TCF4: variants seen among roughly 807,000 people sequenced by gnomAD.
The protein encoded by TCF4 is transcription factor 4.
Under a neutral mutation model 82.1 loss-of-function variants are expected in TCF4, and 3 were observed. That is an observed-to-expected ratio of 0.04 (90% CI 0.02 to 0.09). The LOEUF is 0.09. Ranked by LOEUF, TCF4 falls within the 10% of genes least tolerant of loss-of-function variation. The pLI, the probability that TCF4 is intolerant of heterozygous loss-of-function variation, is 1.00. For missense variants in TCF4, 518 were observed against 852.7 expected, an observed-to-expected ratio of 0.61 and a Z score of 4.89; for synonymous variants, 276 against 309.6, an observed-to-expected ratio of 0.89 and a Z score of 1.14.
intron 3 of TCF4, among the ~76,000 whole-genome samples, chr18:55,496,670 A>C (rs2096639349): frequency 6.6e-6 from 1 of 152,142 alleles, no homozygotes; most frequent in Non-Finnish European, 1.5e-5. Context: ...ATGATGCCAT[A>C]AATCTTTGTT....
At chr18:55,423,252 T>C (rs529839034) in intron 5 of TCF4, among the ~76,000 whole-genome samples, 1 of 152,260 alleles carries the variant, frequency 6.6e-6, no homozygotes, top group African/African-American at 2.4e-5. Context: ...TAATTAAGTA[T>C]TGGCTCCGTT....
chr18:55,632,285 G>A (rs1352063966), intron 1 of TCF4, among the ~76,000 whole-genome samples: 4 of 152,014 alleles, frequency 2.6e-5, no homozygotes, highest in African/African-American at 4.8e-5. Context: ...TGATTCACTC[G>A]CCTCGGCCTC....
chr18:55,599,101 C>T (rs968297199), intron 2 of TCF4, among the ~76,000 whole-genome samples: 26 of 152,186 alleles, frequency 1.7e-4, no homozygotes, highest in Non-Finnish European at 2.9e-5. Flanking sequence ...TCTATCAAAG[C>T]CTACCCTTGG....
intron 3 of TCF4, among the ~76,000 whole-genome samples, chr18:55,508,677 TTTCC>T (rs2096791313): frequency 6.6e-6 from 1 of 152,196 alleles, no homozygotes; most frequent in Admixed American, 6.5e-5. Context: ...GAATCCATGC[TTTCC>T]AGCCCACCCT....
chr18:55,540,104 T>C (rs1409630506), intron 3 of TCF4, among the ~76,000 whole-genome samples: 1 of 151,214 alleles, frequency 6.6e-6, no homozygotes, highest in Non-Finnish European at 1.5e-5. Flanking sequence ...AGAATGAGAA[T>C]TGTCCAAAAC....
intron 5 of TCF4, among the ~76,000 whole-genome samples, chr18:55,455,108 G>T (rs2095710572): frequency 1.4e-5 from 2 of 144,842 alleles, no homozygotes. Context: ...GCTCACCTGA[G>T]CCCAGGAAGT....
At chr18:55,306,221 T>C (rs1418256810) in intron 8 of TCF4, among the ~76,000 whole-genome samples, 1 of 152,218 alleles carries the variant, frequency 6.6e-6, no homozygotes, top group Non-Finnish European at 1.5e-5. Flanking sequence ...TTAGTGTTAC[T>C]TTTAAAAATG....
chr18:55,238,286 T>C (rs536666226), intron 15 of TCF4, among the ~76,000 whole-genome samples: 1 of 152,380 alleles, frequency 6.6e-6, no homozygotes, highest in African/African-American at 2.4e-5. Flanking sequence ...AATCTTCCCA[T>C]AGTCACGTAT....
intron 3 of TCF4, chr18:55,482,111 T>A (rs1202110290): frequency 6.6e-6 from 1 of 152,240 alleles, no homozygotes; most frequent in Non-Finnish European, 1.5e-5. Flanking sequence ...GTGGATCTAC[T>A]ATATTAGCAA....
At chr18:55,320,172 T>C (rs753183604) in intron 8 of TCF4, among the ~76,000 whole-genome samples, 3 of 151,872 alleles carry the variant, frequency 2.0e-5, no homozygotes, top group Non-Finnish European at 4.4e-5. Context: ...AACTACCAAT[T>C]GCAAATCATG....
intron 2 of TCF4, among the ~76,000 whole-genome samples, chr18:55,631,002 G>A (rs1379303775): frequency 2.6e-5 from 4 of 151,840 alleles, no homozygotes; most frequent in African/African-American, 7.3e-5. Context: ...TACATACAAG[G>A]CCTTGTTGGA....
intron 3 of TCF4, among the ~76,000 whole-genome samples, chr18:55,577,673 T>C (rs1045183543): frequency 6.6e-5 from 10 of 152,044 alleles, no homozygotes; most frequent in Admixed American, 2.6e-4. Context: ...CATGGGAAAT[T>C]TGAGATTAAA....
At chr18:55,290,535 G>A (rs549016040) in intron 8 of TCF4, among the ~76,000 whole-genome samples, 1 of 152,168 alleles carries the variant, frequency 6.6e-6, no homozygotes, top group African/African-American at 2.4e-5. Flanking sequence ...AAGGTATGAG[G>A]GTATTGAGAG....
At position 55,227,717 on chromosome 18, in the gene TCF4, G is replaced by A. The variant is rs564976184; in HGVS notation, c.*318C>T. On this transcript the variant is annotated 3_prime_UTR_variant, in exon 20 of 20. Transcript: ENST00000354452. ...AAAGAAGTTTAGGCACAAATGCATT[G>A]TTCCACAGTGTGGAAAGATTGCCGT... 1 of 152,448 alleles carries A rather than the reference G, an allele frequency of 6.6e-6. No homozygotes were observed. The highest frequency in any genetic ancestry group is 1.5e-5 in the Non-Finnish European group (1 of 68,472). 9.4% of individuals were successfully genotyped at this position (152,448 alleles called of 1,614,324 possible). A position where few individuals can be genotyped will look rare whatever the true frequency, so the allele number is the denominator to read the frequency against.
At chr18:55,409,030 C>A (rs908974441) in intron 5 of TCF4, among the ~76,000 whole-genome samples, 1 of 152,186 alleles carries the variant, frequency 6.6e-6, no homozygotes, top group African/African-American at 2.4e-5. Context: ...TGACATCTTA[C>A]AATAAACTGC....
At chr18:55,292,741 C>CATATATGTATACATATATACGT (rs1555827299) in intron 8 of TCF4, among the ~76,000 whole-genome samples, 5 of 151,400 alleles carry the variant, frequency 3.3e-5, no homozygotes, top group East Asian at 1.9e-4. Context: ...TGCGTAGATA[C>CATATATGTATACATATATACGT]ATATATGTAT....
intron 3 of TCF4, among the ~76,000 whole-genome samples, chr18:55,584,568 T>G (rs914613147): frequency 1.3e-5 from 2 of 152,180 alleles, no homozygotes; most frequent in Non-Finnish European, 2.9e-5. Context: ...AGATTCCAGA[T>G]AATCACTGTG....
At chr18:55,365,264 TATAC>T (rs1603371882) in intron 6 of TCF4, among the ~76,000 whole-genome samples, 1 of 144,230 alleles carries the variant, frequency 6.9e-6, no homozygotes, top group Non-Finnish European at 1.5e-5. Context: ...TATATATATA[TATAC>T]ACACACACAC....
intron 8 of TCF4, among the ~76,000 whole-genome samples, chr18:55,334,324 T>C (rs759887223): frequency 6.6e-6 from 1 of 152,148 alleles, no homozygotes; most frequent in African/African-American, 2.4e-5. Flanking sequence ...AAATAACATA[T>C]AAGTCTTGTA....
Sources: gnomAD v4.1 joint callset for allele counts (sites outside exome capture counted in the v4.1 genomes callset) on GRCh38, gnomAD v4.1.1 for gene constraint, MANE v1.5 for transcripts, NCBI Gene and HGNC (gene_info 2026-07-23, HGNC 2026-07-21) for gene names.